The following PDE1C variants were observed in gnomAD, a reference collection of about 807,000 sequenced individuals.
The protein encoded by PDE1C is dual specificity calcium/calmodulin-dependent 3',5'-cyclic nucleotide phosphodiesterase 1C.
A neutral mutation model predicts 93.1 loss-of-function variants in PDE1C; 62 were observed. That is an observed-to-expected ratio of 0.67 (90% CI 0.54 to 0.82). The LOEUF is 0.82. PDE1C is among the 40% of genes least tolerant of loss of function. The pLI is 0.00. For missense variants in PDE1C, 742 were observed against 884.6 expected (o/e 0.84, Z 2.04); for synonymous variants, 325 against 310.1 (o/e 1.05, Z -0.50).
At chr7:31,964,011 T>C (rs1809468609) in intron 2 of PDE1C, among the ~76,000 whole-genome samples, 1 of 152,230 alleles carries the variant, frequency 6.6e-6, no homozygotes, top group Non-Finnish European at 1.5e-5. Flanking sequence ...CTGGGAGCTA[T>C]CTACAGCTCC....
chr7:31,807,656 G>A (rs1194025308), intron 16 of PDE1C, among the ~76,000 whole-genome samples: 1 of 151,920 alleles, frequency 6.6e-6, no homozygotes, highest in African/African-American at 2.4e-5. Flanking sequence ...TGGGCCAATA[G>A]TTGGATACAG....
the PDE1C span, among the ~76,000 whole-genome samples, chr7:31,706,508 G>C: frequency 2.0e-5 from 3 of 152,124 alleles, no homozygotes; most frequent in Admixed American, 1.3e-4. Context: ...TGTATGAAAA[G>C]CTCAGTACAC....
At chr7:31,665,463 A>G in the PDE1C span, among the ~76,000 whole-genome samples, 3 of 152,192 alleles carry the variant, frequency 2.0e-5, no homozygotes, top group Non-Finnish European at 4.4e-5. Context: ...CCCCAGGCCT[A>G]AATCACTTCC....
intron 7 of PDE1C, among the ~76,000 whole-genome samples, chr7:31,860,609 T>A (rs1794583222): frequency 6.6e-6 from 1 of 152,182 alleles, no homozygotes; most frequent in Non-Finnish European, 1.5e-5. Context: ...ATTTATACAA[T>A]CTGGATCTTA....
intron 2 of PDE1C, among the ~76,000 whole-genome samples, chr7:31,987,300 T>G (rs1356859101): frequency 2.0e-5 from 3 of 152,180 alleles, no homozygotes; most frequent in African/African-American, 7.2e-5. Context: ...AACAGAGAGA[T>G]GCAAATGTGA....
intron 1 of PDE1C, among the ~76,000 whole-genome samples, chr7:32,426,991 AT>A (rs550873429): frequency 2.6e-5 from 4 of 152,280 alleles, no homozygotes; most frequent in Admixed American, 6.5e-5. Context: ...AGTGTAAGAG[AT>A]TTTTTTAAAT....
intron 15 of PDE1C, among the ~76,000 whole-genome samples, chr7:31,813,009 T>C (rs1053895459): frequency 2.0e-5 from 3 of 152,168 alleles, no homozygotes; most frequent in Admixed American, 6.5e-5. Context: ...TTCTACCTCA[T>C]AGAATTGTTA....
chr7:32,250,453 T>C (rs905075547), intron 1 of PDE1C, among the ~76,000 whole-genome samples: 3 of 152,206 alleles, frequency 2.0e-5, no homozygotes, highest in African/African-American at 7.2e-5. Flanking sequence ...CTCAGACCAA[T>C]TGAATCAGAC....
chr7:31,885,323 A>G (rs1431545622), intron 2 of PDE1C, among the ~76,000 whole-genome samples: 1 of 152,216 alleles, frequency 6.6e-6, no homozygotes, highest in Non-Finnish European at 1.5e-5. Flanking sequence ...CTGCCAGATA[A>G]TAGTTCCAGT....
chr7:31,710,312 G>A, the PDE1C span, among the ~76,000 whole-genome samples: 1 of 152,170 alleles, frequency 6.6e-6, no homozygotes, highest in Non-Finnish European at 1.5e-5. Flanking sequence ...CCTGAAATGA[G>A]GAGGCCCTAG....
chr7:32,017,111 C>T (rs934400666), intron 2 of PDE1C, among the ~76,000 whole-genome samples: 1 of 152,154 alleles, frequency 6.6e-6, no homozygotes, highest in Non-Finnish European at 1.5e-5. Flanking sequence ...GTGCCTAACA[C>T]CTAACTGAGA....
chr7:32,110,888 T>C (rs558147240), intron 3 of PDE1C, among the ~76,000 whole-genome samples: 1 of 152,282 alleles, frequency 6.6e-6, no homozygotes, highest in Admixed American at 6.5e-5. Context: ...ACATTGAACA[T>C]ACTCTCACAT....
chr7:32,115,696 G>A (rs955742050), intron 3 of PDE1C, among the ~76,000 whole-genome samples: 5 of 152,280 alleles, frequency 3.3e-5, no homozygotes, highest in East Asian at 1.9e-4. Flanking sequence ...ATAGTTGGTC[G>A]ACAATAGTGT....
chr7:31,878,145 T>C (rs544269468), intron 4 of PDE1C, 109 bp from the exon 5 acceptor site: 3 of 683,016 alleles, frequency 4.4e-6, no homozygotes, highest in African/African-American at 1.9e-5. Flanking sequence ...AGTGGGGTGA[T>C]CCAAAGAACC....
upstream of PDE1C, chr7:32,070,739 C>CA: frequency 4.5e-6 from 5 of 1,107,888 alleles, no homozygotes; most frequent in Non-Finnish European, 5.5e-6. Flanking sequence ...CCCCTACCCC[C>CA]AAACAAAGCC....
chr7:32,370,090 A>G (rs1476341679), intron 1 of PDE1C, among the ~76,000 whole-genome samples: 5 of 152,214 alleles, frequency 3.3e-5, no homozygotes, highest in Admixed American at 2.0e-4. Flanking sequence ...CCAAATGTCC[A>G]TCAATGATAG....
intron 2 of PDE1C, among the ~76,000 whole-genome samples, chr7:32,024,639 G>C (rs759552136): frequency 5.3e-5 from 8 of 152,116 alleles, no homozygotes; most frequent in Non-Finnish European, 1.0e-4. Context: ...CACAAAATCA[G>C]AGCTCTTTTC....
chr7:32,167,196 G>T lies in PDE1C; in HGVS notation c.308+2589C>A, dbSNP rs13438708. 5.2e-3 allele frequency among the ~76,000 whole-genome samples: 791 copies of T among 152,296 alleles called. 12 individuals are homozygous for T. Among genetic ancestry groups the T allele is most frequent in the African/African-American group, 0.018 (756 of 41,546 alleles). On this transcript the variant is annotated intron_variant, in intron 3 of 18. Transcript: ENST00000396193. The stretch of plus-strand genomic sequence containing the variant: ...TAGCTTTAGAGCAGACTGTCCCTTT[G>T]CTCTGAAAAGAACTACTTAAATGAA...
intron 13 of PDE1C, among the ~76,000 whole-genome samples, chr7:31,824,070 G>A (rs774484914): frequency 6.6e-6 from 1 of 151,990 alleles, no homozygotes; most frequent in African/African-American, 2.4e-5. Flanking sequence ...CTGTCCTAAC[G>A]CCTGTCTTTC....
Sources: allele counts gnomAD v4.1 joint callset (sites outside exome capture counted in the v4.1 genomes callset), GRCh38; gene constraint gnomAD v4.1.1; transcripts MANE v1.5; gene names NCBI Gene and HGNC (gene_info 2026-07-23, HGNC 2026-07-21).